FRMD4A: variants seen among roughly 807,000 people sequenced by gnomAD.
The protein encoded by FRMD4A is FERM domain-containing protein 4A.
Under a neutral mutation model 129.1 loss-of-function variants are expected in FRMD4A, and 29 were observed. The observed-to-expected ratio is 0.22, with a 90% CI of 0.17 to 0.31. The LOEUF (loss-of-function observed/expected upper bound fraction) is 0.31, where lower values mean the gene tolerates loss of function less well. Ranked by LOEUF, FRMD4A falls within the 10% of genes least tolerant of loss-of-function variation. The probability of loss-of-function intolerance (pLI) is 1.00; values close to 1 mark genes in which losing one functional copy is unlikely to be tolerated. For missense variants in FRMD4A, 1,272 were observed against 1,375.8 expected, an observed-to-expected ratio of 0.92 and a Z score of 1.19; for synonymous variants, 634 against 571.6, an observed-to-expected ratio of 1.11 and a Z score of -1.56.
At chr10:13,950,375 AT>A (rs1194234427) in intron 2 of FRMD4A, among the ~76,000 whole-genome samples, 1 of 152,222 alleles carries the variant, frequency 6.6e-6, no homozygotes, top group Non-Finnish European at 1.5e-5. Context: ...TTTCTGTCTT[AT>A]CTCCTCCACT....
chr10:14,216,071 T>C (rs1379661622), intron 2 of FRMD4A, among the ~76,000 whole-genome samples: 5 of 152,166 alleles, frequency 3.3e-5, no homozygotes, highest in Admixed American at 1.3e-4. Flanking sequence ...TAAGGCCATG[T>C]TGTGCTGCTT....
At chr10:13,740,333 A>G (rs2090914617) in intron 10 of FRMD4A, 82 bp from the exon 11 acceptor site, 2 of 999,158 alleles carry the variant, frequency 2.0e-6, no homozygotes, top group Non-Finnish European at 3.2e-6. Flanking sequence ...TATCATATAT[A>G]TATTTGTGTA....
intron 2 of FRMD4A, among the ~76,000 whole-genome samples, chr10:13,904,885 C>G (rs1230126401): frequency 6.8e-6 from 1 of 147,050 alleles, no homozygotes; most frequent in Non-Finnish European, 1.5e-5. Context: ...CCCAGCTACG[C>G]AGGAGGCTGA....
chr10:14,189,141 C>T (rs1264894381), intron 2 of FRMD4A, among the ~76,000 whole-genome samples: 1 of 152,140 alleles, frequency 6.6e-6, no homozygotes, highest in Non-Finnish European at 1.5e-5. Flanking sequence ...CTTAACATCT[C>T]GCGTCAGTGA....
chr10:14,160,153 A>G (rs76810048), intron 2 of FRMD4A, among the ~76,000 whole-genome samples: 5,794 of 152,326 alleles, frequency 0.038, 138 homozygotes, highest in African/African-American at 0.057. Flanking sequence ...CCAGATATAA[A>G]TAAGTCTATA....
rs2083422821 is a variant in FRMD4A, at chr10:13,670,461, C to T, written c.1319G>A (p.Arg440Lys). 15 of 1,613,350 alleles carry T rather than the reference C, an allele frequency of 9.3e-6. No individual in the cohort carries two copies. Among genetic ancestry groups the T allele is most frequent in the Non-Finnish European group, 1.2e-5 (14 of 1,179,544 alleles). The part of the protein sequence containing the change: ...DPGEEPPIVR[R>K]RIGTAFKLDE... ...CAGTTTGAAGGCTGTTCCTATTCTT[C>T]TCCGAACAATGGGTGGTTCCTCCCC... The change falls in exon 17 of 25, where the codon AGA becomes AAA. Residue 440 changes from arginine (R) to lysine (K), a missense_variant. Coordinates refer to ENST00000357447, the MANE Select transcript of FRMD4A (RefSeq NM_018027.5).
rs201023459 is a variant in FRMD4A at position 13,898,959 on chromosome 10, G to T, written c.46-40047C>A. On this transcript the variant is annotated intron_variant, in intron 2 of 24. Coordinates refer to ENST00000357447, the MANE Select transcript of FRMD4A (RefSeq NM_018027.5). ...GCTCTCTGGAGGGCCGAGGTGGGAG[G>T]ATCACTTGAGGCTAGGAATTTGAGA... is the stretch of plus-strand genomic sequence containing the variant. Among the ~76,000 whole-genome samples the T allele has an allele frequency of 3.1e-4, 47 of 152,238 alleles. No individual in the cohort carries two copies. The East Asian group carries it at 8.7e-3, about 28-fold the overall frequency.
At chr10:13,654,592 A>C in intron 22 of FRMD4A, 80 bp from the exon 23 acceptor site, 1 of 866,524 alleles carries the variant, frequency 1.2e-6, no homozygotes, top group Non-Finnish European at 1.9e-6. Flanking sequence ...TTGTTGGCTG[A>C]CACCAACCCA....
chr10:14,025,560 C>T (rs1182813276), intron 2 of FRMD4A, among the ~76,000 whole-genome samples: 3 of 152,164 alleles, frequency 2.0e-5, no homozygotes, highest in South Asian at 4.1e-4. Flanking sequence ...ACAATGACAT[C>T]ACATGATTAT....
chr10:14,039,015 T>C (rs1246192573), intron 2 of FRMD4A, among the ~76,000 whole-genome samples: 1 of 152,194 alleles, frequency 6.6e-6, no homozygotes, highest in Non-Finnish European at 1.5e-5. Flanking sequence ...AGAAAATCAT[T>C]ATAGAACAGC....
chr10:13,663,403 T>G, intron 19 of FRMD4A, 50 bp downstream of exon 19: 1 of 978,284 alleles, frequency 1.0e-6, no homozygotes, highest in South Asian at 1.3e-5. Flanking sequence ...GAAATTCATC[T>G]CTGTTTACTC....
In FRMD4A at chr10:13,663,454, A is replaced by G. The variant is rs1281431364; in HGVS notation, c.1659T>C (p.Asp553=). The G allele has an allele frequency of 2.0e-6, 3 of 1,492,334 alleles. No individual in the cohort carries two copies. The highest frequency in any genetic ancestry group is 2.8e-5 in the African/African-American group (2 of 72,678). 92.4% of individuals were successfully genotyped at this position (1,492,334 alleles called of 1,614,324 possible). The part of the protein sequence containing the change: ...SSLSDALVLE[D]EDSQVTSTIS... ...TAAGCAGGAAATGCATAAACCTACC[A>G]TCCTCAAGAACAAGGGCATCTGAGA... The change falls in exon 19 of 25, where the codon GAT becomes GAC. Residue 553 remains aspartate, a splice_region_variant and synonymous_variant. Transcript: ENST00000357447.
intron 2 of FRMD4A, among the ~76,000 whole-genome samples, chr10:14,178,957 C>A (rs1341656790): frequency 6.6e-6 from 1 of 152,114 alleles, no homozygotes; most frequent in East Asian, 1.9e-4. Flanking sequence ...CCTCTCTTAG[C>A]AAATGCCCTT....
At chr10:14,143,133 G>A (rs1839917516) in intron 2 of FRMD4A, among the ~76,000 whole-genome samples, 1 of 152,190 alleles carries the variant, frequency 6.6e-6, no homozygotes, top group African/African-American at 2.4e-5. Flanking sequence ...CCACTTCCGG[G>A]CATGAGCCAA....
rs192345132 is a variant in FRMD4A at position 13,935,717 on chromosome 10, C to T, written c.46-76805G>A. ...TGCGATGTGCCAGGGCTGTGTTGTG[C>T]TCTTTCCACTTACTCTCATGTTGGA... On this transcript the variant is annotated intron_variant, in intron 2 of 24. Coordinates refer to ENST00000357447, the MANE Select transcript of FRMD4A (RefSeq NM_018027.5). Among the ~76,000 whole-genome samples the T allele has an allele frequency of 1.5e-3, 222 of 152,266 alleles. 1 individual carries two copies. The highest frequency in any genetic ancestry group is 5.1e-3 in the African/African-American group (212 of 41,556).
At chr10:13,688,151 C>T (rs2085274796) in intron 15 of FRMD4A, among the ~76,000 whole-genome samples, 1 of 152,130 alleles carries the variant, frequency 6.6e-6, no homozygotes, top group African/African-American at 2.4e-5. Context: ...ACCTAAATGT[C>T]CAACAACGAT....
intron 3 of FRMD4A, among the ~76,000 whole-genome samples, chr10:13,812,129 C>T (rs896996645): frequency 2.6e-5 from 4 of 152,136 alleles, no homozygotes; most frequent in Admixed American, 2.0e-4. Context: ...GATCTGCCTG[C>T]CTCGGCCTCC....
At chr10:14,005,046 C>T (rs1006186997) in intron 2 of FRMD4A, among the ~76,000 whole-genome samples, 1 of 150,604 alleles carries the variant, frequency 6.6e-6, no homozygotes, top group African/African-American at 2.4e-5. Context: ...TTTTTGAGAC[C>T]TGAGTCTTTC....
intron 2 of FRMD4A, among the ~76,000 whole-genome samples, chr10:13,906,945 A>T (rs527771324): frequency 2.4e-4 from 37 of 152,188 alleles, no homozygotes; most frequent in Non-Finnish European, 4.9e-4. Flanking sequence ...CGTGCTCTGA[A>T]CTTCAGCATT....
Sources: gnomAD v4.1 joint callset for allele counts (sites outside exome capture counted in the v4.1 genomes callset) on GRCh38, gnomAD v4.1.1 for gene constraint, MANE v1.5 for transcripts, NCBI Gene and HGNC (gene_info 2026-07-23, HGNC 2026-07-21) for gene names.